The following PCDHGB5 variants were observed in gnomAD, a reference collection of about 807,000 sequenced individuals.
PCDHGB5 encodes the protein protocadherin gamma-B5.
In PCDHGB5, 48 loss-of-function variants were observed where a neutral mutation model predicts 62.9. That is an observed-to-expected ratio of 0.76 (90% CI 0.61 to 0.97). PCDHGB5 has a LOEUF of 0.97. PCDHGB5 is among the 50% of genes least tolerant of loss of function. The pLI, the probability that PCDHGB5 is intolerant of heterozygous loss-of-function variation, is 0.00. For synonymous variants in PCDHGB5, 474 were observed against 511.2 expected (o/e 0.93, Z 0.98); for missense variants, 1,118 against 1,198.6 (o/e 0.93, Z 0.99).
chr5:141,430,276 G>C (rs2097271928), intron 1 of PCDHGB5, among the ~76,000 whole-genome samples: 1 of 151,720 alleles, frequency 6.6e-6, no homozygotes, highest in South Asian at 2.1e-4. Context: ...TGTGTTGGGG[G>C]AACAGTAATC....
chr5:141,412,183 C>A (rs1243084028), intron 1 of PCDHGB5: 1 of 152,188 alleles, frequency 6.6e-6, no homozygotes, highest in African/African-American at 2.4e-5. Context: ...GGTATTAATG[C>A]TCTGATGAAA....
At chr5:141,428,049 G>A (rs770637382) in intron 1 of PCDHGB5, 16 of 1,608,954 alleles carry the variant, frequency 9.9e-6, no homozygotes, top group Non-Finnish European at 1.4e-5. Flanking sequence ...GGTGACCAAG[G>A]TGGTGGCGGT....
In PCDHGB5 at chr5:141,486,757, C is replaced by A; in HGVS notation, c.2398-8050C>A. 5 of 1,614,228 alleles carry A rather than the reference C, an allele frequency of 3.1e-6. No homozygotes were observed. Among genetic ancestry groups the A allele is most frequent in the Non-Finnish European group, 4.2e-6 (5 of 1,180,036 alleles). ...CTCGATCCTTTGACTATGAGCAAAC[C>A]CAGACACTGCAGTTTGAGGTGCAGG... On this transcript the variant is annotated intron_variant, in intron 1 of 3. Coordinates refer to ENST00000617380, the MANE Select transcript of PCDHGB5 (RefSeq NM_018925.3). This position sits in a 1 kb window ranked among gnomAD's most constrained non-coding sequence, Gnocchi z 5.0.
intron 1 of PCDHGB5, chr5:141,414,409 A>G: frequency 1.2e-6 from 2 of 1,613,870 alleles, no homozygotes; most frequent in Non-Finnish European, 8.5e-7. Flanking sequence ...GGTGATACAC[A>G]GAGCCCTTGA....
Position 141,477,649 on chromosome 5 carries a change from A to G in PCDHGB5, c.2398-17158A>G, listed in dbSNP as rs2099415032. 3.7e-6 allele frequency: 6 copies of G among 1,614,076 alleles called. No individual in the cohort carries two copies. Among genetic ancestry groups the G allele is most frequent in the Non-Finnish European group, 5.1e-6 (6 of 1,180,048 alleles). ...CCGGGCTAGTGGGTCGCTATTTCAC[A>G]ATAAATCGTGACAATGGCATAGTGT... On this transcript the variant is annotated intron_variant, in intron 1 of 3. Transcript: ENST00000617380. The surrounding 1 kb of genome is among the most constrained non-coding windows in gnomAD (Gnocchi z 4.9).
At chr5:141,424,772 G>A (rs2096839878) in intron 1 of PCDHGB5, 1 of 152,086 alleles carries the variant, frequency 6.6e-6, no homozygotes, top group Non-Finnish European at 1.5e-5. Flanking sequence ...ATGGCAAATA[G>A]TACATTCAGT....
chr5:141,480,429 T>C (rs72790066), intron 1 of PCDHGB5, among the ~76,000 whole-genome samples: 4 of 151,864 alleles, frequency 2.6e-5, no homozygotes, highest in African/African-American at 9.7e-5. Flanking sequence ...AAAAAAATTA[T>C]CAGCTATTAC....
Position 141,491,324 on chromosome 5 carries a change from T to C in PCDHGB5, c.2398-3483T>C, listed in dbSNP as rs762200164. 16 of 1,614,060 alleles carry C rather than the reference T, an allele frequency of 9.9e-6. No homozygotes were observed. The highest frequency in any genetic ancestry group is 8.3e-5 in the Admixed American group (5 of 60,010). On this transcript the variant is annotated intron_variant, in intron 1 of 3. Transcript: ENST00000617380. This position sits in a 1 kb window ranked among gnomAD's most constrained non-coding sequence, Gnocchi z 6.9. ...CGTTCAGACCTTACCCTTTACCTCA[T>C]TGTGGCTCTAGCGACCGTCAGTCTC...
intron 1 of PCDHGB5, among the ~76,000 whole-genome samples, chr5:141,494,188 T>G (rs2099752632): frequency 6.6e-6 from 1 of 152,186 alleles, no homozygotes; most frequent in Non-Finnish European, 1.5e-5. Flanking sequence ...GTCCCGGGAC[T>G]TGGATGCCCC....
Position 141,398,921 on chromosome 5 carries a change from C to A in PCDHGB5, c.794C>A (p.Ser265Ter). 6.2e-7 allele frequency: 1 copy of A among 1,613,962 alleles called. No homozygotes were observed. The highest frequency in any genetic ancestry group is 1.3e-5 in the African/African-American group (1 of 75,052). ...CCAGGCACCACTGTGTTGCAAGTGT[C>A]AGCCACTGACCAAGACGAGGGCATC... ...VPPGTTVLQV[S>*]ATDQDEGINS... is the part of the protein sequence containing the mutation. The change falls in exon 1 of 4, where the codon TCA (serine) becomes TAA (stop). Residue 265 changes from serine (S) to a stop codon, truncating the protein, a stop_gained. Coordinates refer to ENST00000617380, the MANE Select transcript of PCDHGB5 (RefSeq NM_018925.3). LOFTEE classifies it high-confidence loss of function.
intron 1 of PCDHGB5, chr5:141,419,360 C>T (rs763624320): frequency 6.2e-7 from 1 of 1,613,818 alleles, no homozygotes; most frequent in South Asian, 1.1e-5. Flanking sequence ...GTCACGAACG[C>T]TGTCGTCCTA....
chr5:141,492,873 C>G (rs2099744714), intron 1 of PCDHGB5, among the ~76,000 whole-genome samples: 1 of 152,182 alleles, frequency 6.6e-6, no homozygotes, highest in Non-Finnish European at 1.5e-5. Context: ...CTCTCAACCC[C>G]CAGAGATACA....
At chr5:141,482,755 T>TGA (rs1554165462) in intron 1 of PCDHGB5, among the ~76,000 whole-genome samples, 1 of 143,580 alleles carries the variant, frequency 7.0e-6, no homozygotes, top group Admixed American at 6.9e-5. Context: ...GGGATTATGG[T>TGA]ATTTCATTAT....
Position 141,491,657 on chromosome 5 carries a change from A to T in PCDHGB5, c.2398-3150A>T. 1.2e-6 allele frequency: 2 copies of T among 1,613,740 alleles called. No homozygotes were observed. Among genetic ancestry groups the T allele is most frequent in the Non-Finnish European group, 1.7e-6 (2 of 1,180,006 alleles). On this transcript the variant is annotated intron_variant, in intron 1 of 3. Transcript: ENST00000617380. The surrounding 1 kb of genome is among the most constrained non-coding windows in gnomAD (Gnocchi z 6.9). ...CCCACAGCTCTGGCGCTGGAGCCTG[A>T]CGCCATCCGGTCCCGCTCTAATACG...
chr5:141,455,897 T>C (rs1330516646), intron 1 of PCDHGB5, among the ~76,000 whole-genome samples: 1 of 149,800 alleles, frequency 6.7e-6, no homozygotes, highest in African/African-American at 2.4e-5. Flanking sequence ...ATTTATTTAT[T>C]TATTTATTTA....
In PCDHGB5 at chr5:141,487,414, T is replaced by C; in HGVS notation, c.2398-7393T>C. On this transcript the variant is annotated intron_variant, in intron 1 of 3. Coordinates refer to ENST00000617380, the MANE Select transcript of PCDHGB5 (RefSeq NM_018925.3). This position sits in a 1 kb window ranked among gnomAD's most constrained non-coding sequence, Gnocchi z 5.0. The stretch of plus-strand genomic sequence containing the variant: ...GGAGGGAGGGGCTTCCCCCTTCCAA[T>C]GGGATCCTCCGAATCCAGCTAGGGT... 3.7e-6 allele frequency: 6 copies of C among 1,614,174 alleles called. No individual in the cohort carries two copies. The highest frequency in any genetic ancestry group is 5.1e-6 in the Non-Finnish European group (6 of 1,180,006).
intron 1 of PCDHGB5, chr5:141,408,080 C>G: frequency 7.1e-7 from 1 of 1,412,844 alleles, no homozygotes; most frequent in Non-Finnish European, 9.3e-7. Flanking sequence ...TTTCCCAGCA[C>G]AGCGGATTGC....
Position 141,399,396 on chromosome 5 carries a change from G to C in PCDHGB5, c.1269G>C (p.Arg423Ser). The C allele has an allele frequency of 6.2e-7, 1 of 1,613,960 alleles. No homozygotes were observed. Among genetic ancestry groups the C allele is most frequent in the Non-Finnish European group, 8.5e-7 (1 of 1,179,876 alleles). ...ATGTCACCATCACAGCCACAGACAGGGGCAAGCCGCCCCTCTCCTCCAGCA... is the reference window on the plus strand; with the variant it reads ...ATGTCACCATCACAGCCACAGACAGCGGCAAGCCGCCCCTCTCCTCCAGCA... ...EYNVTITATD[R>S]GKPPLSSSIS... Residue 423 changes from arginine to serine, a missense_variant, in exon 1 of 4, where the codon AGG becomes AGC. This residue lies in a region of PCDHGB5 where 1,034 missense variants were observed against 1,029.1 expected (regional missense o/e 1.00). Coordinates refer to ENST00000617380, the MANE Select transcript of PCDHGB5 (RefSeq NM_018925.3).
At chr5:141,497,776 C>A (rs1384125562) in intron 2 of PCDHGB5, among the ~76,000 whole-genome samples, 2 of 152,170 alleles carry the variant, frequency 1.3e-5, no homozygotes. Flanking sequence ...CCGACCTCAA[C>A]TGATCCACCT....
Sources: allele counts gnomAD v4.1 joint callset (sites outside exome capture counted in the v4.1 genomes callset), GRCh38; gene constraint gnomAD v4.1.1; regional missense constraint gnomAD v4.1.1; non-coding constraint Gnocchi (gnomAD v3.1); transcripts MANE v1.5; gene names NCBI Gene and HGNC (gene_info 2026-07-23, HGNC 2026-07-21).